The following NRCAM variants were observed in gnomAD, a reference collection of about 807,000 sequenced individuals.
NRCAM encodes NgCAM-related cell adhesion molecule.
In NRCAM, 83 loss-of-function variants were observed where a neutral mutation model predicts 156.5. The ratio of observed to expected loss-of-function variants is 0.53; its 90% CI spans 0.44 to 0.64. NRCAM has a LOEUF of 0.64. NRCAM is among the 30% of genes least tolerant of loss of function. The probability of loss-of-function intolerance (pLI) is 0.00; values close to 1 mark genes in which losing one functional copy is unlikely to be tolerated. For missense variants in NRCAM, 1,417 were observed against 1,597.3 expected (o/e 0.89, Z 1.92); for synonymous variants, 538 against 563.9 (o/e 0.95, Z 0.65).
At chr7:108,152,376 G>A (rs1271892734) in intron 32 of NRCAM, among the ~76,000 whole-genome samples, 1 of 151,932 alleles carries the variant, frequency 6.6e-6, no homozygotes, top group African/African-American at 2.4e-5. Flanking sequence ...GGGGAAGCCT[G>A]GCAGGTTCTA....
chr7:108,397,967 G>C (rs1392993461), intron 2 of NRCAM, among the ~76,000 whole-genome samples: 2 of 152,136 alleles, frequency 1.3e-5, no homozygotes, highest in Non-Finnish European at 2.9e-5. Context: ...TGAAAATAGA[G>C]AATGTGGTAA....
chr7:108,154,889 G>C (rs1315950371), intron 32 of NRCAM, among the ~76,000 whole-genome samples: 1 of 151,834 alleles, frequency 6.6e-6, no homozygotes, highest in African/African-American at 2.4e-5. Flanking sequence ...AACTTTCCAG[G>C]TGTAGTGAGT....
chr7:108,390,224 T>C lies in NRCAM; in HGVS notation c.-174+9212A>G, dbSNP rs1457900820. ...GGTAGGCTATTAATTATTGCCTCAA[T>C]TTCAGAGTCTGTTATTGGTCTATTC... On this transcript the variant is annotated intron_variant, in intron 2 of 32. Transcript: ENST00000379028. 2.0e-5 allele frequency among the ~76,000 whole-genome samples: 3 copies of C among 152,342 alleles called. No homozygotes were observed. The East Asian group carries it at 5.8e-4, about 29-fold the overall frequency.
chr7:108,187,025 A>G (rs1457421018), intron 20 of NRCAM, among the ~76,000 whole-genome samples: 1 of 143,612 alleles, frequency 7.0e-6, no homozygotes, highest in African/African-American at 2.5e-5. Context: ...TTAAAAGTTA[A>G]AACTTTAAAA....
chr7:108,224,246 T>C (rs1039934108), intron 10 of NRCAM, among the ~76,000 whole-genome samples: 7 of 152,100 alleles, frequency 4.6e-5, no homozygotes, highest in African/African-American at 1.7e-4. Context: ...CTGGAAGATG[T>C]TAGATTTTTA....
At chr7:108,157,219 C>T (rs1192061811) in intron 32 of NRCAM, among the ~76,000 whole-genome samples, 1 of 152,080 alleles carries the variant, frequency 6.6e-6, no homozygotes, top group African/African-American at 2.4e-5. Context: ...TTTTTGTCTT[C>T]GTGTCAATTG....
chr7:108,368,456 T>C (rs2099607660), intron 2 of NRCAM, among the ~76,000 whole-genome samples: 1 of 151,976 alleles, frequency 6.6e-6, no homozygotes, highest in Admixed American at 6.6e-5. Flanking sequence ...ATCTTTTCCG[T>C]TGAAAAAGAG....
intron 3 of NRCAM, among the ~76,000 whole-genome samples, chr7:108,269,507 G>T (rs1174074941): frequency 1.3e-5 from 2 of 152,142 alleles, no homozygotes; most frequent in Non-Finnish European, 2.9e-5. Context: ...CACGCAGAAG[G>T]AAGGGTCTCA....
intron 2 of NRCAM, among the ~76,000 whole-genome samples, chr7:108,378,827 A>C (rs928192595): frequency 6.6e-6 from 1 of 152,076 alleles, no homozygotes; most frequent in Non-Finnish European, 1.5e-5. Flanking sequence ...AAAGAATAGA[A>C]AATGGAAGGA....
At chr7:108,362,374 T>C (rs1466196088) in intron 2 of NRCAM, among the ~76,000 whole-genome samples, 1 of 152,150 alleles carries the variant, frequency 6.6e-6, no homozygotes, top group Admixed American at 6.5e-5. Flanking sequence ...GATTTCAACA[T>C]ATGAATTTTG....
intron 2 of NRCAM, among the ~76,000 whole-genome samples, chr7:108,376,788 G>A (rs1266596540): frequency 2.0e-5 from 3 of 152,120 alleles, no homozygotes; most frequent in Non-Finnish European, 2.9e-5. Flanking sequence ...TTACATAAAA[G>A]CTACTGTTGA....
intron 3 of NRCAM, among the ~76,000 whole-genome samples, chr7:108,247,156 C>T (rs191526017): frequency 0.011 from 1,706 of 152,250 alleles, 20 homozygotes; most frequent in Non-Finnish European, 0.013. Flanking sequence ...ACAGAAGAAC[C>T]ATCCTGCCAA....
At chr7:108,394,786 T>C (rs905671043) in intron 2 of NRCAM, among the ~76,000 whole-genome samples, 1 of 152,210 alleles carries the variant, frequency 6.6e-6, no homozygotes, top group African/African-American at 2.4e-5. Context: ...TAGTTCTGCA[T>C]CCTCAATCTT....
chr7:108,176,867 T>G (rs548857729), intron 26 of NRCAM: 1 of 241,730 alleles, frequency 4.1e-6, no homozygotes, highest in East Asian at 8.7e-5. Context: ...TAGAAGAATG[T>G]TGTGGTTGAA....
At position 108,234,686 on chromosome 7, in the gene NRCAM, C is replaced by A; in HGVS notation, c.127G>T (p.Val43Leu). The part of the protein sequence containing the change: ...PLDPKLLEDL[V>L]QPPTITQQSP... ...TGTTGGGTGATGGTTGGAGGCTGTA[C>A]CACTTAATTGTAGAAAAAAAAAAAT... Residue 43 changes from valine (V) to leucine (L), a missense_variant and splice_region_variant, in exon 6 of 33, where the codon GTA becomes TTA. Val to Leu is a conservative substitution (Grantham distance 32, BLOSUM62 1). Coordinates refer to ENST00000379028, the MANE Select transcript of NRCAM (RefSeq NM_001037132.4). The A allele has an allele frequency of 2.5e-6, 4 of 1,584,796 alleles. No individual in the cohort carries two copies. The highest frequency in any genetic ancestry group is 3.5e-6 in the Non-Finnish European group (4 of 1,155,394).
chr7:108,362,997 T>C (rs2099569394), intron 2 of NRCAM, among the ~76,000 whole-genome samples: 1 of 152,030 alleles, frequency 6.6e-6, no homozygotes, highest in African/African-American at 2.4e-5. Context: ...CTTAAGAACT[T>C]GCTAAACAAA....
chr7:108,307,994 A>G (rs1316756691), intron 3 of NRCAM, among the ~76,000 whole-genome samples: 1 of 152,206 alleles, frequency 6.6e-6, no homozygotes, highest in Non-Finnish European at 1.5e-5. Flanking sequence ...GCTGTGTCTC[A>G]CTTCCAATTG....
intron 32 of NRCAM, among the ~76,000 whole-genome samples, chr7:108,158,083 A>T (rs1017395123): frequency 5.9e-5 from 9 of 152,154 alleles, no homozygotes; most frequent in Non-Finnish European, 1.2e-4. Context: ...AGTTCTACTC[A>T]TCCAGATGCC....
intron 26 of NRCAM, 60 bp from the exon 27 acceptor site, chr7:108,176,666 A>G (rs2060600687): frequency 8.1e-7 from 1 of 1,241,630 alleles, no homozygotes; most frequent in South Asian, 1.4e-5. Flanking sequence ...GAATACTATT[A>G]TAAATAAATA....
Sources: gnomAD v4.1 joint callset for allele counts (sites outside exome capture counted in the v4.1 genomes callset) on GRCh38, gnomAD v4.1.1 for gene constraint, MANE v1.5 for transcripts, NCBI Gene and HGNC (gene_info 2026-07-23, HGNC 2026-07-21) for gene names.